Variants in TSHZ2 observed in about 807,000 individuals in gnomAD.
TSHZ2 encodes teashirt zinc finger homeobox 2.
A neutral mutation model predicts 74.4 loss-of-function variants in TSHZ2; 21 were observed. The ratio of observed to expected loss-of-function variants is 0.28; its 90% confidence interval spans 0.20 to 0.41. The LOEUF (loss-of-function observed/expected upper bound fraction) is 0.41. Among genes scored for constraint, TSHZ2 ranks in the 10% least tolerant of loss-of-function variants. TSHZ2 has a pLI of 1.00. For synonymous variants in TSHZ2, 540 were observed against 515.3 expected, an observed-to-expected ratio of 1.05 and a Z score of -0.65; for missense variants, 1,244 against 1,293.5, an observed-to-expected ratio of 0.96 and a Z score of 0.59.
At chr20:53,227,612 A>G (rs1281651396) in intron 1 of TSHZ2, among the ~76,000 whole-genome samples, 1 of 151,892 alleles carries the variant, frequency 6.6e-6, no homozygotes, top group East Asian at 1.9e-4. Context: ...CTGAAGGGTA[A>G]TTTTTTTTAG....
chr20:53,384,915 G>A (rs1346086287), intron 2 of TSHZ2, among the ~76,000 whole-genome samples: 1 of 152,212 alleles, frequency 6.6e-6, no homozygotes, highest in African/African-American at 2.4e-5. Flanking sequence ...GAGGTCAGGA[G>A]ATCGAGACCA....
chr20:53,386,262 C>T (rs144799082), intron 2 of TSHZ2, among the ~76,000 whole-genome samples: 1 of 152,314 alleles, frequency 6.6e-6, no homozygotes, highest in East Asian at 1.9e-4. Context: ...AATGTAAAAA[C>T]TTCTGGCTCT....
chr20:53,138,950 G>A (rs149339054), intron 1 of TSHZ2, among the ~76,000 whole-genome samples: 1 of 152,158 alleles, frequency 6.6e-6, no homozygotes, highest in Non-Finnish European at 1.5e-5. Context: ...CAGATTCAAG[G>A]GTGTCTACAG....
chr20:53,461,774 A>G (rs758672714), intron 2 of TSHZ2, among the ~76,000 whole-genome samples: 2 of 152,194 alleles, frequency 1.3e-5, no homozygotes, highest in Non-Finnish European at 2.9e-5. Context: ...AACATCTGAG[A>G]TTGCTCTTCT....
At chr20:53,244,822 G>T (rs539811450) in intron 1 of TSHZ2, among the ~76,000 whole-genome samples, 2 of 152,084 alleles carry the variant, frequency 1.3e-5, no homozygotes, top group African/African-American at 2.4e-5. Flanking sequence ...CACTTTCTAC[G>T]GAAGTTCCCG....
At chr20:53,281,048 C>T (rs1600786906) in intron 2 of TSHZ2, among the ~76,000 whole-genome samples, 1 of 152,252 alleles carries the variant, frequency 6.6e-6, no homozygotes, top group East Asian at 1.9e-4. Flanking sequence ...GGCTTGTATC[C>T]AGAAATGAGC....
chr20:53,256,164 C>A lies in TSHZ2; in HGVS notation c.2706C>A (p.Asn902Lys), dbSNP rs748554234. 6.2e-7 allele frequency: 1 copy of A among 1,612,594 alleles called. No individual in the cohort carries two copies. Among genetic ancestry groups the A allele is most frequent in the Non-Finnish European group, 8.5e-7 (1 of 1,178,980 alleles). ...SMTTISHWLA[N>K]VKYQLRKTGG... ...CCACTATCAGTCACTGGCTGGCCAA[C>A]GTCAAGTACCAGCTTAGGAAAACGG... The change falls in exon 2 of 3, where the codon AAC (asparagine) becomes AAA (lysine). Residue 902 changes from asparagine to lysine, a missense_variant. This residue lies in a region of TSHZ2 where 185 missense variants were observed against 213.3 expected (regional missense o/e 0.87). Coordinates refer to ENST00000371497, the MANE Select transcript of TSHZ2 (RefSeq NM_173485.6). The surrounding 1 kb of genome is among the most constrained non-coding windows in gnomAD (Gnocchi z 4.3).
intron 2 of TSHZ2, among the ~76,000 whole-genome samples, chr20:53,483,097 A>C (rs1476382108): frequency 6.6e-6 from 1 of 152,082 alleles, no homozygotes; most frequent in Non-Finnish European, 1.5e-5. Flanking sequence ...TCCCATAGCT[A>C]AGTTTTATAA....
At chr20:53,263,219 TC>T (rs2123742984) in intron 2 of TSHZ2, among the ~76,000 whole-genome samples, 1 of 152,322 alleles carries the variant, frequency 6.6e-6, no homozygotes, top group African/African-American at 2.4e-5. Flanking sequence ...GAGCTTTTTC[TC>T]AATGAATTTT....
At chr20:53,361,686 G>A (rs1981058911) in intron 2 of TSHZ2, among the ~76,000 whole-genome samples, 2 of 152,190 alleles carry the variant, frequency 1.3e-5, no homozygotes, top group South Asian at 2.1e-4. Flanking sequence ...AGATTGAGAG[G>A]TGACACCGAC....
intron 2 of TSHZ2, among the ~76,000 whole-genome samples, chr20:53,394,848 C>T: frequency 7.1e-6 from 1 of 141,660 alleles, no homozygotes; most frequent in African/African-American, 2.8e-5. Flanking sequence ...CACCTGTCCC[C>T]CAGAACTCAC....
intron 2 of TSHZ2, among the ~76,000 whole-genome samples, chr20:53,331,842 C>A (rs1419769531): frequency 6.6e-6 from 1 of 152,064 alleles, no homozygotes; most frequent in Non-Finnish European, 1.5e-5. Flanking sequence ...GAGCTCTTGA[C>A]ACCTCTGGGC....
intron 1 of TSHZ2, among the ~76,000 whole-genome samples, chr20:53,093,871 C>T (rs1985959378): frequency 2.0e-5 from 3 of 152,094 alleles, no homozygotes; most frequent in Non-Finnish European, 2.9e-5. Context: ...AAGCATAGGA[C>T]CTCAGCCGGG....
intron 2 of TSHZ2, among the ~76,000 whole-genome samples, chr20:53,296,379 T>C (rs1257731340): frequency 6.6e-6 from 1 of 152,244 alleles, no homozygotes. Flanking sequence ...ATCTATCCTA[T>C]TGCATGATCA....
chr20:53,172,395 G>T (rs1988223980), intron 1 of TSHZ2, among the ~76,000 whole-genome samples: 1 of 151,998 alleles, frequency 6.6e-6, no homozygotes, highest in African/African-American at 2.4e-5. Context: ...TCTAGCTATT[G>T]TTTGGGTTTT....
chr20:53,043,700 C>A (rs931765816), intron 1 of TSHZ2, among the ~76,000 whole-genome samples: 5 of 151,906 alleles, frequency 3.3e-5, no homozygotes, highest in African/African-American at 1.2e-4. Flanking sequence ...ACAATTTCTT[C>A]ATTCGAATAT....
At chr20:53,296,299 C>G (rs1051368673) in intron 2 of TSHZ2, among the ~76,000 whole-genome samples, 1 of 152,142 alleles carries the variant, frequency 6.6e-6, no homozygotes, top group Non-Finnish European at 1.5e-5. Context: ...AGGAAAAGAC[C>G]AGATGTCAGT....
At chr20:53,447,875 A>G (rs1216523444) in intron 2 of TSHZ2, among the ~76,000 whole-genome samples, 1 of 152,052 alleles carries the variant, frequency 6.6e-6, no homozygotes, top group Non-Finnish European at 1.5e-5. Flanking sequence ...ATTAAAGCCA[A>G]ATCACCAAGA....
intron 1 of TSHZ2, among the ~76,000 whole-genome samples, chr20:53,141,740 C>A (rs934811780): frequency 6.6e-6 from 1 of 152,230 alleles, no homozygotes; most frequent in Non-Finnish European, 1.5e-5. Flanking sequence ...CCTCAGTTAA[C>A]TTCTGGGTGA....
Sources: allele counts gnomAD v4.1 joint callset (sites outside exome capture counted in the v4.1 genomes callset), GRCh38; gene constraint gnomAD v4.1.1; regional missense constraint gnomAD v4.1.1; non-coding constraint Gnocchi (gnomAD v3.1); transcripts MANE v1.5; gene names NCBI Gene and HGNC (gene_info 2026-07-23, HGNC 2026-07-21).